The following DCC variants were observed in gnomAD, a reference collection of about 807,000 sequenced individuals.
The protein encoded by DCC is DCC netrin 1 receptor.
DCC carries 58 observed loss-of-function variants against 172.5 expected under a neutral mutation model. The observed-to-expected ratio is 0.34, with a 90% CI of 0.27 to 0.42. The LOEUF is 0.42. Ranked by LOEUF, DCC falls within the 10% of genes least tolerant of loss-of-function variation. The pLI, the probability that DCC is intolerant of heterozygous loss-of-function variation, is 1.00. For synonymous variants in DCC, 709 were observed against 644.5 expected (o/e 1.10, Z -1.52); for missense variants, 1,740 against 1,791.0 (o/e 0.97, Z 0.51).
At chr18:52,998,715 C>G (rs2041520754) in intron 5 of DCC, among the ~76,000 whole-genome samples, 1 of 152,026 alleles carries the variant, frequency 6.6e-6, no homozygotes, top group African/African-American at 2.4e-5. Flanking sequence ...AACAATGATC[C>G]TTGCTTTGCT....
chr18:52,700,187 CACACACACGCACAT>C (rs2036086883), intron 1 of DCC, among the ~76,000 whole-genome samples: 3 of 111,838 alleles, frequency 2.7e-5, no homozygotes, highest in African/African-American at 4.4e-5. Context: ...CATGCACACG[CACACACACGCACAT>C]ACACACATGC....
chr18:52,989,447 T>A (rs1205160272), intron 5 of DCC, among the ~76,000 whole-genome samples: 2 of 152,006 alleles, frequency 1.3e-5, no homozygotes, highest in Non-Finnish European at 2.9e-5. Context: ...CACTTGAACC[T>A]GGGAGGTGGT....
intron 5 of DCC, among the ~76,000 whole-genome samples, 184 bp from the exon 6 acceptor site, chr18:53,063,121 A>G (rs745659568): frequency 2.6e-5 from 4 of 151,646 alleles, no homozygotes; most frequent in Non-Finnish European, 5.9e-5. Flanking sequence ...GTTTAACTGC[A>G]TTTGGGGGAA....
chr18:52,748,148 G>A (rs899839365), intron 1 of DCC, among the ~76,000 whole-genome samples: 4 of 152,202 alleles, frequency 2.6e-5, no homozygotes, highest in African/African-American at 9.6e-5. Context: ...AGCCAGGTGC[G>A]CCAGCTGCTG....
chr18:52,454,180 T>G (rs1487103822), intron 1 of DCC, among the ~76,000 whole-genome samples: 1 of 152,202 alleles, frequency 6.6e-6, no homozygotes, highest in African/African-American at 2.4e-5. Flanking sequence ...TGCTATAATT[T>G]TTTTACATAT....
intron 9 of DCC, among the ~76,000 whole-genome samples, chr18:53,180,226 C>T (rs2055173665): frequency 6.6e-6 from 1 of 152,020 alleles, no homozygotes; most frequent in East Asian, 1.9e-4. Flanking sequence ...TTTCATTTGG[C>T]CAGGGCTACA....
chr18:52,807,524 G>A (rs2038110791), intron 2 of DCC, among the ~76,000 whole-genome samples: 1 of 95,654 alleles, frequency 1.0e-5, no homozygotes, highest in Admixed American at 1.3e-4. Flanking sequence ...AATATTGAAA[G>A]CACAGCTATT....
intron 2 of DCC, among the ~76,000 whole-genome samples, chr18:52,804,089 G>A (rs1352242714): frequency 1.3e-5 from 2 of 152,120 alleles, no homozygotes; most frequent in Admixed American, 1.3e-4. Context: ...TGTACAATGT[G>A]TGTGGGCCAC....
At chr18:53,485,981 G>C (rs936677577) in intron 25 of DCC, among the ~76,000 whole-genome samples, 4 of 151,904 alleles carry the variant, frequency 2.6e-5, no homozygotes, top group African/African-American at 9.7e-5. Flanking sequence ...TGATCATTCA[G>C]GTAGCTGACT....
intron 9 of DCC, among the ~76,000 whole-genome samples, chr18:53,190,154 G>A (rs140303617): frequency 0.019 from 2,886 of 152,044 alleles, 38 homozygotes; most frequent in Non-Finnish European, 0.029. Flanking sequence ...TTGAACTCCC[G>A]TCCTCAGGTG....
intron 8 of DCC, among the ~76,000 whole-genome samples, chr18:53,162,183 TG>T (rs2054851769): frequency 6.6e-6 from 1 of 151,184 alleles, no homozygotes; most frequent in Admixed American, 6.6e-5. Flanking sequence ...CCTGTAATCC[TG>T]GCTACTTAGA....
chr18:52,781,713 A>G (rs1267787494), intron 2 of DCC, among the ~76,000 whole-genome samples: 1 of 152,178 alleles, frequency 6.6e-6, no homozygotes, highest in East Asian at 1.9e-4. Context: ...ATAAACAGCT[A>G]TAGAGATCTT....
At chr18:53,094,289 GGAA>G (rs2043053358) in intron 7 of DCC, among the ~76,000 whole-genome samples, 1 of 152,096 alleles carries the variant, frequency 6.6e-6, no homozygotes, top group Non-Finnish European at 1.5e-5. Context: ...GTCCCAACTG[GGAA>G]GAAGGACTTT....
intron 7 of DCC, among the ~76,000 whole-genome samples, chr18:53,110,555 A>G (rs2043315231): frequency 6.6e-6 from 1 of 151,866 alleles, no homozygotes; most frequent in African/African-American, 2.4e-5. Flanking sequence ...TTTACAAGAA[A>G]AAAACAAACA....
In DCC at chr18:53,088,504, C is replaced by A. The variant is rs189059785; in HGVS notation, c.1261+22338C>A. ...CTTATCAGCTTAAGGAGATTTGGGG[C>A]TGAGACAATGGGGTTTTCTAGATAT... On this transcript the variant is annotated intron_variant, in intron 7 of 28. Coordinates refer to ENST00000442544, the MANE Select transcript of DCC (RefSeq NM_005215.4). Among the ~76,000 whole-genome samples, 759 of 152,164 alleles carry A rather than the reference C, an allele frequency of 5.0e-3. 3 individuals carry two copies. The highest frequency in any genetic ancestry group is 7.9e-3 in the Non-Finnish European group (538 of 68,006).
chr18:52,467,579 G>A (rs1988823555), intron 1 of DCC, among the ~76,000 whole-genome samples: 1 of 152,022 alleles, frequency 6.6e-6, no homozygotes. Flanking sequence ...GGGATTGCTG[G>A]GTCAAATGGT....
chr18:53,066,266 G>A (rs953264303), intron 7 of DCC, 100 bp downstream of exon 7: 1 of 1,136,334 alleles, frequency 8.8e-7, no homozygotes. Context: ...AGGGCAATAT[G>A]GCAATATGAA....
chr18:53,171,104 C>T (rs1469602018), intron 8 of DCC, among the ~76,000 whole-genome samples: 1 of 152,040 alleles, frequency 6.6e-6, no homozygotes. Flanking sequence ...AGGCTGGTCT[C>T]GAACTCCTGA....
intron 8 of DCC, among the ~76,000 whole-genome samples, chr18:53,162,854 A>G (rs919571025): frequency 3.3e-5 from 5 of 152,170 alleles, no homozygotes; most frequent in Admixed American, 2.6e-4. Context: ...CCAGAATATA[A>G]TATTCCTATG....
Sources: gnomAD v4.1 joint callset for allele counts (sites outside exome capture counted in the v4.1 genomes callset) on GRCh38, gnomAD v4.1.1 for gene constraint, MANE v1.5 for transcripts, NCBI Gene and HGNC (gene_info 2026-07-23, HGNC 2026-07-21) for gene names.